Variants in RPS6KA5 observed in about 807,000 individuals in gnomAD.
The protein encoded by RPS6KA5 is ribosomal protein S6 kinase A5.
A neutral mutation model predicts 85.5 loss-of-function variants in RPS6KA5; 27 were observed. The ratio of observed to expected loss-of-function variants is 0.32; its 90% CI spans 0.23 to 0.44. The LOEUF (loss-of-function observed/expected upper bound fraction) is 0.44. Ranked by LOEUF, RPS6KA5 falls within the 20% of genes least tolerant of loss-of-function variation. The probability of loss-of-function intolerance (pLI) is 1.00; values close to 1 mark genes in which losing one functional copy is unlikely to be tolerated. For synonymous variants in RPS6KA5, 334 were observed against 348.2 expected, an observed-to-expected ratio of 0.96 and a Z score of 0.46; for missense variants, 811 against 980.9, an observed-to-expected ratio of 0.83 and a Z score of 2.31.
intron 1 of RPS6KA5, among the ~76,000 whole-genome samples, chr14:91,031,581 C>T (rs763863934): frequency 6.6e-6 from 1 of 152,010 alleles, no homozygotes. Flanking sequence ...GGTTATCTAA[C>T]CTATAGAAAA....
intron 2 of RPS6KA5, among the ~76,000 whole-genome samples, chr14:90,995,487 C>T (rs2040478994): frequency 6.6e-6 from 1 of 152,110 alleles, no homozygotes; most frequent in South Asian, 2.1e-4. Context: ...TACTGTTTTA[C>T]TGAGCAGTAG....
chr14:90,930,592 A>T (rs117856199), intron 5 of RPS6KA5, among the ~76,000 whole-genome samples: 33 of 152,334 alleles, frequency 2.2e-4, no homozygotes, highest in Non-Finnish European at 4.4e-4. Context: ...AAACAGAATG[A>T]AAGGCAACCT....
intron 6 of RPS6KA5, among the ~76,000 whole-genome samples, chr14:90,922,471 G>A (rs572993818): frequency 3.3e-5 from 5 of 152,232 alleles, no homozygotes; most frequent in South Asian, 2.1e-4. Flanking sequence ...CTTTTGAGTC[G>A]TTGTCTCACT....
intron 3 of RPS6KA5, among the ~76,000 whole-genome samples, chr14:90,973,655 A>G (rs571130920): frequency 6.6e-6 from 1 of 151,328 alleles, no homozygotes; most frequent in Non-Finnish European, 1.5e-5. Context: ...AGGACTGTGC[A>G]GGAATAAAAA....
At chr14:90,942,303 C>T (rs1294424536) in intron 5 of RPS6KA5, among the ~76,000 whole-genome samples, 2 of 152,014 alleles carry the variant, frequency 1.3e-5, no homozygotes, top group Non-Finnish European at 2.9e-5. Flanking sequence ...CAACAAAGTC[C>T]TTCACTACAA....
Position 91,038,423 on chromosome 14 carries a change from A to C in RPS6KA5, c.103+21909T>G, listed in dbSNP as rs569442615. Among the ~76,000 whole-genome samples the C allele has an allele frequency of 1.1e-3, 174 of 152,374 alleles. 4 individuals carry two copies. In the South Asian group the frequency reaches 0.036, roughly 31 times the overall value. On this transcript the variant is annotated intron_variant, in intron 1 of 16. Coordinates refer to ENST00000614987, the MANE Select transcript of RPS6KA5 (RefSeq NM_004755.4). ...GAAAGAGTAATACAAAATAGAAAAA[A>C]GTAAGAATAGACTGGAATCCCAAAG... is the stretch of plus-strand genomic sequence containing the variant.
At chr14:90,884,175 G>C (rs2034039658) in intron 14 of RPS6KA5, among the ~76,000 whole-genome samples, 1 of 152,158 alleles carries the variant, frequency 6.6e-6, no homozygotes, top group South Asian at 2.1e-4. Flanking sequence ...TAGAGGACAA[G>C]GTCCTTTTTG....
chr14:90,921,027 T>C (rs2036377269), intron 6 of RPS6KA5, among the ~76,000 whole-genome samples: 1 of 152,150 alleles, frequency 6.6e-6, no homozygotes, highest in Non-Finnish European at 1.5e-5. Context: ...CCACCATGCC[T>C]GGCCTAAAGA....
chr14:90,983,841 T>TCTCTC (rs1487178474), intron 2 of RPS6KA5, among the ~76,000 whole-genome samples: 20 of 75,294 alleles, frequency 2.7e-4, no homozygotes, highest in Admixed American at 9.3e-4. Flanking sequence ...CTCTCTCTCT[T>TCTCTC]TCTTTTTTTC....
intron 2 of RPS6KA5, among the ~76,000 whole-genome samples, chr14:90,978,984 T>C (rs2039682859): frequency 6.6e-6 from 1 of 152,070 alleles, no homozygotes; most frequent in Non-Finnish European, 1.5e-5. Flanking sequence ...CCTCTATACT[T>C]ATAAAAAAAA....
chr14:91,038,579 T>C (rs2042486338), intron 1 of RPS6KA5, among the ~76,000 whole-genome samples: 1 of 152,202 alleles, frequency 6.6e-6, no homozygotes, highest in South Asian at 2.1e-4. Context: ...CAGAAGCTGA[T>C]GGCAGTGATG....
chr14:90,921,935 G>GA (rs1180211913), intron 6 of RPS6KA5, among the ~76,000 whole-genome samples: 2 of 151,620 alleles, frequency 1.3e-5, no homozygotes, highest in African/African-American at 2.4e-5. Context: ...CTTTAATACA[G>GA]AAAAAAAACC....
Position 90,852,350 on chromosome 14 carries a change from CTT to C in RPS6KA5, c.*19722_*19723del, listed in dbSNP as rs747727602. The C allele has an allele frequency of 7.9e-5, 12 of 152,032 alleles. 1 individual carries two copies. In the South Asian group the frequency reaches 1.0e-3, roughly 13 times the overall value. The allele number at this position is 152,032 out of a possible 1,614,324, so 9.4% of individuals were successfully genotyped here. ...ATCTGCCCGCCTCGGCCTCCCAACACTTTTGTTTAAAAAATGGAAATTTCTTC... is the reference window on the plus strand; with the variant it reads ...ATCTGCCCGCCTCGGCCTCCCAACACTTGTTTAAAAAATGGAAATTTCTTC... On this transcript the variant is annotated 3_prime_UTR_variant, in exon 17 of 17. Transcript: ENST00000614987.
chr14:91,059,533 A>G (rs1041121002), intron 1 of RPS6KA5, among the ~76,000 whole-genome samples: 2 of 152,154 alleles, frequency 1.3e-5, no homozygotes, highest in Non-Finnish European at 2.9e-5. Flanking sequence ...TGGTCTGAAT[A>G]AGCATTTTCC....
chr14:91,008,551 T>C (rs371001869), intron 1 of RPS6KA5, among the ~76,000 whole-genome samples: 2 of 152,284 alleles, frequency 1.3e-5, no homozygotes, highest in Admixed American at 6.5e-5. Flanking sequence ...AGCTAAGAAG[T>C]ACAGGATTTG....
chr14:91,013,287 C>A (rs1880193054), intron 1 of RPS6KA5, among the ~76,000 whole-genome samples: 1 of 152,316 alleles, frequency 6.6e-6, no homozygotes, highest in Admixed American at 6.5e-5. Flanking sequence ...CTGGAACAGA[C>A]ATACTCCCTG....
chr14:91,057,307 C>T (rs935552030), intron 1 of RPS6KA5, among the ~76,000 whole-genome samples: 6 of 152,160 alleles, frequency 3.9e-5, no homozygotes, highest in Non-Finnish European at 5.9e-5. Flanking sequence ...TTATCAACCA[C>T]CTAACATCTG....
intron 7 of RPS6KA5, among the ~76,000 whole-genome samples, chr14:90,916,006 A>C (rs1010847456): frequency 5.9e-5 from 9 of 152,154 alleles, no homozygotes; most frequent in African/African-American, 2.2e-4. Flanking sequence ...AAATCTAGAA[A>C]TGATTTCTAA....
intron 1 of RPS6KA5, among the ~76,000 whole-genome samples, chr14:91,031,512 A>T (rs762745909): frequency 3.3e-5 from 5 of 152,302 alleles, no homozygotes; most frequent in Non-Finnish European, 7.4e-5. Flanking sequence ...CCAATCCAGA[A>T]TGGAAGAGAC....
Sources: allele counts gnomAD v4.1 joint callset (sites outside exome capture counted in the v4.1 genomes callset), GRCh38; gene constraint gnomAD v4.1.1; transcripts MANE v1.5; gene names NCBI Gene and HGNC (gene_info 2026-07-23, HGNC 2026-07-21).